Variants in P4HA3 observed in about 807,000 individuals in gnomAD.
P4HA3 encodes the protein prolyl 4-hydroxylase subunit alpha-3.
A neutral mutation model predicts 66.7 loss-of-function variants in P4HA3; 60 were observed. The ratio of observed to expected loss-of-function variants is 0.90; its 90% CI spans 0.73 to 1.12. The LOEUF (loss-of-function observed/expected upper bound fraction) is 1.12. Ranked by LOEUF, P4HA3 falls within the 50% of genes most tolerant of loss-of-function variation. The pLI is 0.00. For missense variants in P4HA3, 683 were observed against 685.8 expected (o/e 1.00, Z 0.05); for synonymous variants, 263 against 274.6 (o/e 0.96, Z 0.42).
At chr11:74,304,484 G>T in intron 1 of P4HA3, 72 bp from the exon 2 acceptor site, 1 of 1,539,992 alleles carries the variant, frequency 6.5e-7, no homozygotes, top group Non-Finnish European at 8.9e-7. Flanking sequence ...GGCATGGTGT[G>T]TGTACATTAA....
At chr11:74,266,610 T>C, downstream of P4HA3, 1 of 167,028 alleles carries the variant, frequency 6.0e-6, no homozygotes, top group Middle Eastern at 3.0e-3. Flanking sequence ...CTCTCCCTTT[T>C]TTCCCACTCA....
chr11:74,281,469 C>T (rs539615745), intron 7 of P4HA3, among the ~76,000 whole-genome samples: 7 of 152,236 alleles, frequency 4.6e-5, no homozygotes, highest in South Asian at 4.1e-4. Context: ...GACTTGGAAC[C>T]AACCTAAATG....
At chr11:74,272,367 G>A (rs907232630) in intron 10 of P4HA3, among the ~76,000 whole-genome samples, 2 of 152,152 alleles carry the variant, frequency 1.3e-5, no homozygotes, top group Non-Finnish European at 2.9e-5. Flanking sequence ...GAGATATATT[G>A]TGCCCTAGAT....
Position 74,299,789 on chromosome 11 carries a change from T to C in P4HA3, c.568-1428A>G, listed in dbSNP as rs1013528376. Reference sequence around the variant, plus strand: ...CTAGGATGGGGGTGGGTGTTAATCATAGTAACCTTGGTGTTCAGTAACCTT... The same window carrying C: ...CTAGGATGGGGGTGGGTGTTAATCACAGTAACCTTGGTGTTCAGTAACCTT... On this transcript the variant is annotated intron_variant, in intron 3 of 12. Transcript: ENST00000331597. 2.0e-5 allele frequency among the ~76,000 whole-genome samples: 3 copies of C among 152,038 alleles called. 1 individual carries two copies. The highest frequency in any genetic ancestry group is 1.3e-4 in the Admixed American group (2 of 15,266).
At position 74,289,083 on chromosome 11, in the gene P4HA3, G is replaced by T; in HGVS notation, c.765C>A (p.Leu255=). 1 of 1,574,976 alleles carries T rather than the reference G, an allele frequency of 6.3e-7. No individual in the cohort carries two copies. The highest frequency in any genetic ancestry group is 8.6e-7 in the Non-Finnish European group (1 of 1,163,274). The stretch of plus-strand genomic sequence containing the variant: ...TATCTTTTATCCATTACGTACTGTA[G>T]AGAAGAAACTCCCGAGAGAGGCTGA... ...CALSLSREFL[L]YSPDNKRMAR... The change falls in exon 5 of 13, where the codon CTC becomes CTA. Residue 255 remains leucine (L), a synonymous_variant. Coordinates refer to ENST00000331597, the MANE Select transcript of P4HA3 (RefSeq NM_182904.5).
At chr11:74,288,583 C>T (rs1422919842) in intron 5 of P4HA3, among the ~76,000 whole-genome samples, 2 of 152,170 alleles carry the variant, frequency 1.3e-5, no homozygotes, top group African/African-American at 4.8e-5. Flanking sequence ...TTAAAAATTT[C>T]CCCCTGATGC....
At chr11:74,291,172 G>A (rs1417449964) in intron 4 of P4HA3, among the ~76,000 whole-genome samples, 2 of 152,134 alleles carry the variant, frequency 1.3e-5, no homozygotes, top group Non-Finnish European at 2.9e-5. Flanking sequence ...TCCCTTGTAA[G>A]TTGGATTCCT....
At chr11:74,278,140 G>T (rs1860465046) in intron 8 of P4HA3, among the ~76,000 whole-genome samples, 1 of 152,176 alleles carries the variant, frequency 6.6e-6, no homozygotes, top group African/African-American at 2.4e-5. Flanking sequence ...GGAAGGAGAA[G>T]TTCATTCCAG....
rs1202138239 is a variant in P4HA3, at chr11:74,268,147, C to T, written c.1562G>A (p.Trp521Ter). 1 of 1,613,368 alleles carries T rather than the reference C, an allele frequency of 6.2e-7. No homozygotes were observed. Among genetic ancestry groups the T allele is most frequent in the African/African-American group, 1.3e-5 (1 of 74,912 alleles). ...ATGCCCAGAAAGGCAAGACTTACCC[C>T]ACTTATCTCCCACCAGGACAGGACA... ...AGCPVLVGDK[W>*]VANKWIHEYG... The change falls in exon 12 of 13, where the codon TGG (tryptophan) becomes TAG (stop). Residue 521 changes from tryptophan (W) to a stop codon, truncating the protein, a stop_gained and splice_region_variant. Coordinates refer to ENST00000331597, the MANE Select transcript of P4HA3 (RefSeq NM_182904.5). LOFTEE classifies it high-confidence loss of function.
intron 4 of P4HA3, among the ~76,000 whole-genome samples, chr11:74,289,700 G>GT (rs1164077828): frequency 9.3e-5 from 14 of 149,996 alleles, no homozygotes; most frequent in Non-Finnish European, 1.6e-4. Flanking sequence ...GGGGTGTTTG[G>GT]TTTTTTGTCC....
intron 10 of P4HA3, among the ~76,000 whole-genome samples, chr11:74,273,199 A>C (rs1263899503): frequency 2.6e-5 from 4 of 152,112 alleles, no homozygotes; most frequent in African/African-American, 9.7e-5. Flanking sequence ...TGATTAGTCC[A>C]TGAGACCTCA....
At chr11:74,297,614 T>C (rs962138777) in intron 4 of P4HA3, among the ~76,000 whole-genome samples, 9 of 152,104 alleles carry the variant, frequency 5.9e-5, no homozygotes, top group African/African-American at 1.9e-4. Flanking sequence ...TGAACTTCTA[T>C]ATAAGGCACA....
At chr11:74,252,367 G>A (rs569444392) in intron 15 of P4HA3, 304 of 451,080 alleles carry the variant, frequency 6.7e-4, no homozygotes, top group Non-Finnish European at 9.8e-4. Flanking sequence ...GGATTATAGG[G>A]ATTATAGGCA....
At chr11:74,277,279 G>T in intron 8 of P4HA3, 135 bp from the exon 9 acceptor site, 1 of 1,165,644 alleles carries the variant, frequency 8.6e-7, no homozygotes, top group East Asian at 2.4e-5. Context: ...GGAAAGAGAG[G>T]GAGGGAAGAC....
At chr11:74,297,124 G>A (rs564096867) in intron 4 of P4HA3, among the ~76,000 whole-genome samples, 1 of 151,758 alleles carries the variant, frequency 6.6e-6, no homozygotes, top group South Asian at 2.1e-4. Context: ...TTTTTGTTTT[G>A]TTTGTTTTTA....
chr11:74,277,022 A>G lies in P4HA3; in HGVS notation c.1298T>C (p.Ile433Thr), dbSNP rs925908633. 1.9e-6 allele frequency: 3 copies of G among 1,614,054 alleles called. No homozygotes were observed. Among genetic ancestry groups the G allele is most frequent in the Non-Finnish European group, 2.5e-6 (3 of 1,179,966 alleles). The change falls in exon 9 of 13, where the codon ATC (isoleucine) becomes ACC (threonine). Residue 433 changes from isoleucine (I) to threonine (T), a missense_variant. Ile to Thr is a moderately conservative substitution (Grantham distance 89, BLOSUM62 -1). Transcript: ENST00000331597. Reference protein sequence around the residue: ...AEYLQVVNYGIGGHYEPHFDH... With the variant: ...AEYLQVVNYGTGGHYEPHFDH... ...AAAGTGAGGCTCATAGTGTCCTCCG[A>G]TGCCATAGTTCACCACCTGCAGATA...
chr11:74,297,329 T>C (rs1315395323), intron 4 of P4HA3, among the ~76,000 whole-genome samples: 1 of 152,132 alleles, frequency 6.6e-6, no homozygotes, highest in Non-Finnish European at 1.5e-5. Flanking sequence ...TTTGCTGCAC[T>C]GAGAGTAAAT....
chr11:74,256,510 G>A lies in P4HA3; in HGVS notation c.*1318+3413C>T, dbSNP rs576949075. Among the ~76,000 whole-genome samples, 300 of 152,274 alleles carry A rather than the reference G, an allele frequency of 2.0e-3. 1 individual carries two copies. The highest frequency in any genetic ancestry group is 3.8e-3 in the Non-Finnish European group (256 of 68,030). ...TTTGTCTTCTGATTCCAAGTCTACTGAGCATTCCATTACACCCCAGAAGAG... is the reference window on the plus strand; with the variant it reads ...TTTGTCTTCTGATTCCAAGTCTACTAAGCATTCCATTACACCCCAGAAGAG... On this transcript the variant is annotated intron_variant and NMD_transcript_variant, in intron 15 of 15. Transcript: ENST00000524388.
At chr11:74,289,203 TTA>T in intron 4 of P4HA3, 73 bp from the exon 5 acceptor site, 2 of 1,100,998 alleles carry the variant, frequency 1.8e-6, no homozygotes, top group Non-Finnish European at 1.2e-6. Flanking sequence ...AACCATTAAA[TTA>T]AAAAAAAAAA....
Sources: allele counts gnomAD v4.1 joint callset (sites outside exome capture counted in the v4.1 genomes callset), GRCh38; gene constraint gnomAD v4.1.1; transcripts MANE v1.5; gene names NCBI Gene and HGNC (gene_info 2026-07-23, HGNC 2026-07-21).